The following FMN1 variants were observed in gnomAD, a reference collection of about 807,000 sequenced individuals.
The protein encoded by FMN1 is formin-1.
FMN1 carries 110 observed loss-of-function variants against 132.4 expected under a neutral mutation model. The ratio of observed to expected loss-of-function variants is 0.83; its 90% CI spans 0.71 to 0.97. The LOEUF is 0.97. FMN1 is among the 50% of genes least tolerant of loss of function. FMN1 has a pLI of 0.00. For synonymous variants in FMN1, 722 were observed against 651.7 expected (o/e 1.11, Z -1.64); for missense variants, 1,792 against 1,705.3 (o/e 1.05, Z -0.90).
chr15:32,973,577 C>CCCCA (rs1555508115), intron 7 of FMN1, among the ~76,000 whole-genome samples: 1 of 123,734 alleles, frequency 8.1e-6, no homozygotes, highest in African/African-American at 3.6e-5. Flanking sequence ...CTGCCCCTCA[C>CCCCA]CCCCCCCAAA....
intron 16 of FMN1, among the ~76,000 whole-genome samples, chr15:32,864,340 T>C (rs1231443609): frequency 6.6e-6 from 1 of 152,196 alleles, no homozygotes; most frequent in East Asian, 1.9e-4. Context: ...AGGGGAAATC[T>C]ATTCAAGGAG....
At chr15:32,846,156 TAA>T (rs1348278344) in intron 17 of FMN1, among the ~76,000 whole-genome samples, 1 of 152,184 alleles carries the variant, frequency 6.6e-6, no homozygotes, top group Non-Finnish European at 1.5e-5. Flanking sequence ...AAGAATTTGT[TAA>T]AGAGGGTAGA....
chr15:33,144,732 C>A (rs4780087), intron 4 of FMN1, among the ~76,000 whole-genome samples: 46,998 of 149,716 alleles, frequency 0.31, 7,748 homozygotes, highest in African/African-American at 0.36. Context: ...CCTTAAAAAA[C>A]AAGCAGCAAA....
At chr15:32,835,548 G>A (rs1311083351) in intron 17 of FMN1, among the ~76,000 whole-genome samples, 7 of 152,090 alleles carry the variant, frequency 4.6e-5, no homozygotes, top group Non-Finnish European at 7.4e-5. Context: ...CAAAAACTTG[G>A]CAGTTTTCTC....
intron 4 of FMN1, among the ~76,000 whole-genome samples, chr15:33,146,218 T>G (rs936890879): frequency 6.6e-6 from 1 of 152,164 alleles, no homozygotes; most frequent in Non-Finnish European, 1.5e-5. Flanking sequence ...TCCCTACCTC[T>G]CTTGAACAGC....
At chr15:32,798,748 G>A (rs532309877) in intron 19 of FMN1, 56 bp downstream of exon 19, 1 of 1,448,692 alleles carries the variant, frequency 6.9e-7, no homozygotes, top group South Asian at 1.3e-5. Context: ...ATAGGTTTAA[G>A]AGTGCAGTTT....
chr15:33,057,534 A>C (rs1376548662), intron 6 of FMN1, among the ~76,000 whole-genome samples: 2 of 152,244 alleles, frequency 1.3e-5, no homozygotes, highest in African/African-American at 4.8e-5. Context: ...AATCCAAACA[A>C]GTAAATTATC....
At chr15:33,110,318 TAAAA>T (rs934538363) in intron 4 of FMN1, among the ~76,000 whole-genome samples, 1 of 152,070 alleles carries the variant, frequency 6.6e-6, no homozygotes, top group Non-Finnish European at 1.5e-5. Context: ...TATGAAAAGT[TAAAA>T]AACACAGGAA....
At chr15:33,133,331 A>G (rs1432206290) in intron 4 of FMN1, among the ~76,000 whole-genome samples, 1 of 152,224 alleles carries the variant, frequency 6.6e-6, no homozygotes, top group East Asian at 1.9e-4. Flanking sequence ...ACTCTGAGCA[A>G]GACACAGTCC....
chr15:33,010,081 A>G (rs1343201505), intron 6 of FMN1, among the ~76,000 whole-genome samples: 2 of 152,122 alleles, frequency 1.3e-5, no homozygotes, highest in South Asian at 2.1e-4. Context: ...ACAGGGTTTT[A>G]CTATGTTGGC....
At chr15:32,870,709 C>G (rs1173653574) in intron 16 of FMN1, among the ~76,000 whole-genome samples, 4 of 152,158 alleles carry the variant, frequency 2.6e-5, no homozygotes. Context: ...CATTAATCAC[C>G]TACCCATGAC....
At chr15:32,826,741 C>T (rs1322841713) in intron 17 of FMN1, among the ~76,000 whole-genome samples, 2 of 152,200 alleles carry the variant, frequency 1.3e-5, no homozygotes, top group Non-Finnish European at 2.9e-5. Flanking sequence ...TCTATTAGAA[C>T]ACTACATGAT....
chr15:33,149,667 G>T (rs376372292), intron 4 of FMN1: 1 of 417,988 alleles, frequency 2.4e-6, no homozygotes, highest in Non-Finnish European at 3.2e-6. Context: ...GGTAGAATAT[G>T]GCTGATGCAA....
In FMN1 at chr15:33,146,969, T is replaced by C. The variant is rs532779146; in HGVS notation, c.1867+6079A>G. ...GCGGGCAGATCACGAGGTCAGGAGT[T>C]CAAGACGAGCCTGGCCAACGTGGTG... On this transcript the variant is annotated intron_variant, in intron 4 of 20. Coordinates refer to ENST00000616417, the MANE Select transcript of FMN1 (RefSeq NM_001277313.2). Among the ~76,000 whole-genome samples, 18 of 151,932 alleles carry C rather than the reference T, an allele frequency of 1.2e-4. No homozygotes were observed. The East Asian group carries it at 3.3e-3, about 28-fold the overall frequency.
intron 6 of FMN1, among the ~76,000 whole-genome samples, chr15:33,053,674 TA>T (rs937832848): frequency 8.7e-5 from 13 of 150,036 alleles, no homozygotes; most frequent in East Asian, 7.8e-4. Flanking sequence ...CTCACAGACC[TA>T]AAAAAAAAAT....
At position 33,152,924 on chromosome 15, in the gene FMN1, G is replaced by A. The variant is rs115613824; in HGVS notation, c.1867+124C>T. 1.8e-3 allele frequency: 1,757 copies of A among 961,966 alleles called. 17 individuals are homozygous for A. The African/African-American group carries it at 0.025, about 14-fold the overall frequency. 59.6% of individuals were successfully genotyped at this position (961,966 alleles called of 1,614,324 possible). On this transcript the variant is annotated intron_variant, in intron 4 of 20. Coordinates refer to ENST00000616417, the MANE Select transcript of FMN1 (RefSeq NM_001277313.2). ...CCACTCCCCGTTTTCTTGCTACAAA[G>A]TGAAGTAATAGGCCTAGGAATTTTG...
At position 32,918,380 on chromosome 15, in the gene FMN1, T is replaced by C. The variant is rs376347624; in HGVS notation, c.3226+7794A>G. Among the ~76,000 whole-genome samples the C allele has an allele frequency of 1.3e-5, 2 of 152,322 alleles. 1 individual carries two copies. The highest frequency in any genetic ancestry group is 4.8e-5 in the African/African-American group (2 of 41,578). On this transcript the variant is annotated intron_variant, in intron 10 of 20. Transcript: ENST00000616417. ...TTGCTAAATGCCTGCTATTGTGTCA[T>C]GTTAACCTGGGCTCTGATGGAGTAA...
chr15:33,172,401 G>C (rs1052676597), intron 3 of FMN1, among the ~76,000 whole-genome samples: 1 of 152,160 alleles, frequency 6.6e-6, no homozygotes, highest in African/African-American at 2.4e-5. Context: ...GGTATACTCA[G>C]TTATCTGGAG....
intron 18 of FMN1, among the ~76,000 whole-genome samples, chr15:32,801,315 T>G (rs1010146394): frequency 7.2e-5 from 11 of 151,864 alleles, no homozygotes; most frequent in Non-Finnish European, 1.6e-4. Flanking sequence ...GGAGAAACAC[T>G]AAAAAAAATA....
Sources: gnomAD v4.1 joint callset for allele counts (sites outside exome capture counted in the v4.1 genomes callset) on GRCh38, gnomAD v4.1.1 for gene constraint, MANE v1.5 for transcripts, NCBI Gene and HGNC (gene_info 2026-07-23, HGNC 2026-07-21) for gene names.